LRMDA: variants seen among roughly 807,000 people sequenced by gnomAD.
LRMDA encodes leucine rich melanocyte differentiation associated.
Under a neutral mutation model 29.8 loss-of-function variants are expected in LRMDA, and 18 were observed. The observed-to-expected ratio is 0.60, with a 90% CI of 0.42 to 0.90. The LOEUF is 0.90. LRMDA is among the 40% of genes least tolerant of loss of function. The pLI is 0.00. For synonymous variants in LRMDA, 125 were observed against 109.4 expected, an observed-to-expected ratio of 1.14 and a Z score of -0.89; for missense variants, 273 against 273.9, an observed-to-expected ratio of 1.00 and a Z score of 0.02.
chr10:75,441,957 C>T (rs967164571), intron 2 of LRMDA, among the ~76,000 whole-genome samples: 2 of 152,176 alleles, frequency 1.3e-5, no homozygotes, highest in African/African-American at 4.8e-5. Context: ...AGGCACATGG[C>T]ACAACCTTTA....
intron 5 of LRMDA, among the ~76,000 whole-genome samples, chr10:76,142,676 T>TTACTGAGAATGATGGTTTCCAGTTTC (rs1564664698): frequency 1.3e-4 from 12 of 95,084 alleles, no homozygotes; most frequent in African/African-American, 5.9e-4. Context: ...GTCATTATGT[T>TTACTGAGAATGATGGTTTCCAGTTTC]ATTATCTTTA....
chr10:75,640,902 T>C (rs1302043616), intron 2 of LRMDA, among the ~76,000 whole-genome samples: 1 of 152,238 alleles, frequency 6.6e-6, no homozygotes, highest in Admixed American at 6.5e-5. Flanking sequence ...GCCACTTGCA[T>C]TGATGTGCTG....
intron 2 of LRMDA, among the ~76,000 whole-genome samples, chr10:75,682,408 GCAA>G (rs1842033556): frequency 6.7e-6 from 1 of 149,588 alleles, no homozygotes; most frequent in South Asian, 2.2e-4. Flanking sequence ...AGGAGTTAAA[GCAA>G]CAACCAGAAG....
At chr10:76,168,026 G>T (rs570485366) in intron 5 of LRMDA, among the ~76,000 whole-genome samples, 38 of 152,132 alleles carry the variant, frequency 2.5e-4, no homozygotes, top group African/African-American at 8.9e-4. Flanking sequence ...ATTGTGAATG[G>T]GATTGTAGGG....
chr10:76,307,183 C>G (rs760781445), intron 5 of LRMDA, among the ~76,000 whole-genome samples: 2 of 152,072 alleles, frequency 1.3e-5, no homozygotes, highest in South Asian at 2.1e-4. Context: ...CTGTGGGATA[C>G]CAAAGCTTAG....
At chr10:75,646,017 C>A (rs1228896979) in intron 2 of LRMDA, among the ~76,000 whole-genome samples, 2 of 151,560 alleles carry the variant, frequency 1.3e-5, no homozygotes, top group African/African-American at 4.9e-5. Context: ...TCTATCTGTA[C>A]TCCTAAACAT....
intron 2 of LRMDA, among the ~76,000 whole-genome samples, chr10:76,001,809 C>G (rs1446296307): frequency 6.6e-6 from 1 of 152,128 alleles, no homozygotes; most frequent in Non-Finnish European, 1.5e-5. Context: ...GCCCTGAAAA[C>G]AGACCTCTTT....
chr10:76,018,348 G>C (rs924653742), intron 2 of LRMDA, among the ~76,000 whole-genome samples: 1 of 152,144 alleles, frequency 6.6e-6, no homozygotes, highest in Non-Finnish European at 1.5e-5. Flanking sequence ...AATGTCTTCA[G>C]ATGTTGCCAG....
intron 2 of LRMDA, among the ~76,000 whole-genome samples, chr10:75,525,464 A>T (rs1845402650): frequency 7.2e-5 from 11 of 152,174 alleles, no homozygotes. Flanking sequence ...AATGCCCAGG[A>T]TTAAGTCCAG....
chr10:75,437,446 A>G (rs1431088814), intron 1 of LRMDA, among the ~76,000 whole-genome samples: 1 of 152,174 alleles, frequency 6.6e-6, no homozygotes, highest in Non-Finnish European at 1.5e-5. Flanking sequence ...CTGGGGGTTG[A>G]GCATGTTGTA....
At chr10:76,518,555 A>G (rs1191602975) in intron 6 of LRMDA, among the ~76,000 whole-genome samples, 7 of 152,166 alleles carry the variant, frequency 4.6e-5, no homozygotes, top group Admixed American at 4.6e-4. Context: ...ACCACTGTCA[A>G]CAGTAAAAAA....
intron 2 of LRMDA, among the ~76,000 whole-genome samples, chr10:75,447,063 AAGAT>A (rs1388338450): frequency 6.6e-6 from 1 of 152,220 alleles, no homozygotes; most frequent in African/African-American, 2.4e-5. Flanking sequence ...GATGGTAGAA[AAGAT>A]AGACTTTAGA....
At chr10:76,292,696 G>A (rs892427763) in intron 5 of LRMDA, among the ~76,000 whole-genome samples, 3 of 151,732 alleles carry the variant, frequency 2.0e-5, no homozygotes, top group African/African-American at 4.8e-5. Context: ...TTATGCACAC[G>A]CTTGTGTCGC....
At chr10:75,804,473 C>T (rs867388152) in intron 2 of LRMDA, among the ~76,000 whole-genome samples, 3 of 152,152 alleles carry the variant, frequency 2.0e-5, no homozygotes, top group East Asian at 1.9e-4. Context: ...TCAGGCCTGC[C>T]GATGTCACCC....
At chr10:76,443,670 A>C (rs917300744) in intron 6 of LRMDA, among the ~76,000 whole-genome samples, 10 of 152,174 alleles carry the variant, frequency 6.6e-5, no homozygotes, top group African/African-American at 2.4e-4. Flanking sequence ...TGTTCCCTCT[A>C]GACATGGTAG....
At chr10:75,692,208 G>GAAAAA (rs528945539) in intron 2 of LRMDA, among the ~76,000 whole-genome samples, 13 of 61,104 alleles carry the variant, frequency 2.1e-4, no homozygotes, top group African/African-American at 1.0e-3. Context: ...TCTCTGGGGG[G>GAAAAA]AAAAAAAAAA....
Position 76,387,461 on chromosome 10 carries a change from C to T in LRMDA, c.601+62976C>T, listed in dbSNP as rs1056787976. ...GCAAAAACTATAAAAATTAGCTGGG[C>T]ATGGTGGTGCACGTGCGTGTAATCC... On this transcript the variant is annotated intron_variant, in intron 6 of 6. Transcript: ENST00000611255. 2.0e-5 allele frequency among the ~76,000 whole-genome samples: 3 copies of T among 151,918 alleles called. No homozygotes were observed. In the South Asian group the frequency reaches 6.2e-4, roughly 32 times the overall value.
chr10:76,087,523 G>T (rs550694341), intron 5 of LRMDA, among the ~76,000 whole-genome samples: 1 of 152,156 alleles, frequency 6.6e-6, no homozygotes, highest in Non-Finnish European at 1.5e-5. Context: ...AGTCATACAG[G>T]ATCATCTTGG....
At chr10:75,924,057 C>T (rs765023810) in intron 2 of LRMDA, among the ~76,000 whole-genome samples, 5 of 152,198 alleles carry the variant, frequency 3.3e-5, no homozygotes, top group South Asian at 2.1e-4. Context: ...TTAGTTGGCA[C>T]GCTGACATTT....
Sources: allele counts gnomAD v4.1 joint callset (sites outside exome capture counted in the v4.1 genomes callset), GRCh38; gene constraint gnomAD v4.1.1; transcripts MANE v1.5; gene names NCBI Gene and HGNC (gene_info 2026-07-23, HGNC 2026-07-21).